Variants in ALCAM observed in about 807,000 individuals in gnomAD.
ALCAM encodes the protein CD166 antigen.
ALCAM carries 30 observed loss-of-function variants against 70.9 expected under a neutral mutation model. The observed-to-expected ratio is 0.42, with a 90% CI of 0.32 to 0.57. The LOEUF is 0.57. Among genes scored for constraint, ALCAM ranks in the 20% least tolerant of loss-of-function variants. The pLI is 0.11. For synonymous variants in ALCAM, 249 were observed against 242.5 expected, an observed-to-expected ratio of 1.03 and a Z score of -0.25; for missense variants, 591 against 695.1, an observed-to-expected ratio of 0.85 and a Z score of 1.68.
At chr3:105,387,643 C>T (rs972190758) in intron 1 of ALCAM, among the ~76,000 whole-genome samples, 7 of 151,534 alleles carry the variant, frequency 4.6e-5, no homozygotes, top group Non-Finnish European at 1.0e-4. Context: ...GAATCAGTAA[C>T]GGTTACCAGG....
chr3:105,407,604 A>G (rs1040237778), intron 1 of ALCAM, among the ~76,000 whole-genome samples: 1 of 152,214 alleles, frequency 6.6e-6, no homozygotes, highest in Non-Finnish European at 1.5e-5. Context: ...ACAAACCCAC[A>G]GCCAACATCA....
intron 1 of ALCAM, among the ~76,000 whole-genome samples, chr3:105,421,969 GT>G (rs1936662291): frequency 6.6e-6 from 1 of 151,160 alleles, no homozygotes; most frequent in African/African-American, 2.4e-5. Context: ...CCAATATGTA[GT>G]TTTTTATCCC....
chr3:105,551,122 G>C (rs1192477031), intron 12 of ALCAM, among the ~76,000 whole-genome samples: 3 of 151,538 alleles, frequency 2.0e-5, no homozygotes, highest in Admixed American at 2.0e-4. Context: ...ATTAGCAAGA[G>C]CTAGGAGAAA....
At chr3:105,476,097 G>A (rs927652697) in intron 1 of ALCAM, among the ~76,000 whole-genome samples, 1 of 151,956 alleles carries the variant, frequency 6.6e-6, no homozygotes, top group African/African-American at 2.4e-5. Flanking sequence ...GGATTTCTGA[G>A]TTTTCATTTT....
intron 1 of ALCAM, among the ~76,000 whole-genome samples, chr3:105,448,027 ATAT>A (rs1162659932): frequency 6.6e-6 from 1 of 152,200 alleles, no homozygotes; most frequent in Non-Finnish European, 1.5e-5. Context: ...AAACCTTGAT[ATAT>A]GATTTCACTA....
At chr3:105,509,166 G>A (rs986680263) in intron 1 of ALCAM, among the ~76,000 whole-genome samples, 1 of 152,040 alleles carries the variant, frequency 6.6e-6, no homozygotes, top group African/African-American at 2.4e-5. Flanking sequence ...TGTGAATAAT[G>A]CTGCAGTGAA....
At chr3:105,400,018 T>G (rs538113167) in intron 1 of ALCAM, among the ~76,000 whole-genome samples, 4 of 152,218 alleles carry the variant, frequency 2.6e-5, no homozygotes, top group Non-Finnish European at 5.9e-5. Flanking sequence ...TGTTAATACC[T>G]TTATTGTTAT....
At position 105,412,738 on chromosome 3, in the gene ALCAM, T is replaced by A. The variant is rs1241985176; in HGVS notation, c.73+45257T>A. ...TTTTGTTTAACTTAAGAAAAAGTTT[T>A]CCTAGCCACCTAATTTTGGAAAATA... On this transcript the variant is annotated intron_variant, in intron 1 of 15. Transcript: ENST00000306107. Among the ~76,000 whole-genome samples the A allele has an allele frequency of 2.0e-5, 3 of 152,134 alleles. No homozygotes were observed. In the East Asian group the frequency reaches 5.8e-4, roughly 29 times the overall value.
chr3:105,561,494 C>T (rs6437602), intron 14 of ALCAM, among the ~76,000 whole-genome samples: 77,088 of 151,788 alleles, frequency 0.51, 21,125 homozygotes, highest in East Asian at 0.72. Context: ...CCATTATGTA[C>T]GATGTTAGCT....
chr3:105,425,953 T>G (rs1576155414), intron 1 of ALCAM, among the ~76,000 whole-genome samples: 1 of 151,798 alleles, frequency 6.6e-6, no homozygotes, highest in South Asian at 2.1e-4. Flanking sequence ...CTTACATGAT[T>G]TCATGTATAT....
At position 105,458,074 on chromosome 3, in the gene ALCAM, C is replaced by A. The variant is rs1937557179; in HGVS notation, c.74-61993C>A. Among the ~76,000 whole-genome samples, 3 of 109,862 alleles carry A rather than the reference C, an allele frequency of 2.7e-5. No homozygotes were observed. The South Asian group carries it at 1.1e-3, about 39-fold the overall frequency. The allele number at this position is 109,862 out of a possible 152,430, so 72.1% of individuals were successfully genotyped here. ...TATAGCTTTTCCTACTGTACACACA[C>A]TTCAGGGGAAAAAAAAAAAACCAGC... On this transcript the variant is annotated intron_variant, in intron 1 of 15. Coordinates refer to ENST00000306107, the MANE Select transcript of ALCAM (RefSeq NM_001627.4).
At chr3:105,540,147 CTGT>C (rs752281909) in intron 7 of ALCAM, 45 bp downstream of exon 7, 2 of 1,579,778 alleles carry the variant, frequency 1.3e-6, no homozygotes, top group African/African-American at 2.7e-5. Flanking sequence ...ATCATTTTTC[CTGT>C]TGTTTGACTT....
intron 1 of ALCAM, among the ~76,000 whole-genome samples, chr3:105,433,754 A>G (rs939568552): frequency 7.2e-6 from 1 of 139,208 alleles, no homozygotes; most frequent in African/African-American, 2.7e-5. Flanking sequence ...AGGGCTTTCT[A>G]TCACCTTAAG....
chr3:105,495,317 A>T (rs570015088), intron 1 of ALCAM, among the ~76,000 whole-genome samples: 1 of 152,300 alleles, frequency 6.6e-6, no homozygotes, highest in South Asian at 2.1e-4. Flanking sequence ...GGGGCTGCTG[A>T]TATCTCAGAT....
chr3:105,549,971 G>A (rs770526460), intron 11 of ALCAM, among the ~76,000 whole-genome samples, 156 bp from the exon 12 acceptor site: 2 of 151,268 alleles, frequency 1.3e-5, no homozygotes, highest in Admixed American at 6.6e-5. Context: ...GTAGATATTG[G>A]CATACATGGG....
At chr3:105,422,516 T>A in intron 1 of ALCAM, among the ~76,000 whole-genome samples, 1 of 151,444 alleles carries the variant, frequency 6.6e-6, no homozygotes, top group Non-Finnish European at 1.5e-5. Context: ...TTTATAGCCT[T>A]GGGCAAAAAA....
Position 105,442,776 on chromosome 3 carries a change from G to A in ALCAM, c.73+75295G>A, listed in dbSNP as rs574837439. Among the ~76,000 whole-genome samples, 250 of 151,062 alleles carry A rather than the reference G, an allele frequency of 1.7e-3. 2 individuals carry two copies. Among genetic ancestry groups the A allele is most frequent in the Non-Finnish European group, 2.9e-3 (195 of 67,760 alleles). On this transcript the variant is annotated intron_variant, in intron 1 of 15. Coordinates refer to ENST00000306107, the MANE Select transcript of ALCAM (RefSeq NM_001627.4). Reference sequence around the variant, plus strand: ...AGTTTGGGTGACAGAGCGAGATTCCGTCTCAAAAAAAAAAAGAAAGAAAGA... The same window carrying A: ...AGTTTGGGTGACAGAGCGAGATTCCATCTCAAAAAAAAAAAGAAAGAAAGA...
At chr3:105,477,109 A>G (rs1162809624) in intron 1 of ALCAM, among the ~76,000 whole-genome samples, 1 of 152,198 alleles carries the variant, frequency 6.6e-6, no homozygotes, top group Non-Finnish European at 1.5e-5. Context: ...AGTCCAATTA[A>G]ACCTCTTTTT....
At chr3:105,547,369 A>C (rs1940275444) in intron 10 of ALCAM, 21 bp from the exon 11 acceptor site, 1 of 1,593,446 alleles carries the variant, frequency 6.3e-7, no homozygotes, top group Non-Finnish European at 8.5e-7. Flanking sequence ...TCAACATCTT[A>C]TTTTAATTGT....
Sources: gnomAD v4.1 joint callset for allele counts (sites outside exome capture counted in the v4.1 genomes callset) on GRCh38, gnomAD v4.1.1 for gene constraint, MANE v1.5 for transcripts, NCBI Gene and HGNC (gene_info 2026-07-23, HGNC 2026-07-21) for gene names.